The following BCL7B variants were observed in gnomAD, a reference collection of about 807,000 sequenced individuals.
BCL7B encodes BAF chromatin remodeling complex subunit BCL7B, also known as B-cell CLL/lymphoma 7 protein family member B.
A neutral mutation model predicts 26.5 loss-of-function variants in BCL7B; 11 were observed. That is an observed-to-expected ratio of 0.42 (90% confidence interval 0.26 to 0.69). The LOEUF (loss-of-function observed/expected upper bound fraction) is 0.69. BCL7B is among the 30% of genes least tolerant of loss of function. The probability of loss-of-function intolerance (pLI) is 0.28; values close to 1 mark genes in which losing one functional copy is unlikely to be tolerated. For missense variants in BCL7B, 215 were observed against 264.4 expected, an observed-to-expected ratio of 0.81 and a Z score of 1.30; for synonymous variants, 111 against 107.9, an observed-to-expected ratio of 1.03 and a Z score of -0.18.
intron 3 of BCL7B, chr7:73,542,780 C>T: frequency 3.0e-6 from 1 of 328,738 alleles, no homozygotes; most frequent in Non-Finnish European, 6.2e-6. Context: ...CTCTAAGCGA[C>T]TATGATAAAA....
chr7:73,543,425 G>A (rs1285351025), intron 3 of BCL7B, 123 bp downstream of exon 3: 17 of 839,346 alleles, frequency 2.0e-5, no homozygotes, highest in Admixed American at 7.8e-5. Context: ...TGATCTGCCC[G>A]CCTCAGACTC....
intron 1 of BCL7B, chr7:73,557,189 C>G: frequency 9.7e-7 from 1 of 1,032,360 alleles, no homozygotes; most frequent in Non-Finnish European, 1.2e-6. Context: ...CTGGGCCGGG[C>G]GCGGGCACCG....
chr7:73,557,287 G>C lies in BCL7B; in HGVS notation c.92+200C>G. 4 of 1,145,168 alleles carry C rather than the reference G, an allele frequency of 3.5e-6. No homozygotes were observed. In the South Asian group the frequency reaches 1.8e-4, roughly 50 times the overall value. 70.9% of individuals were successfully genotyped at this position (1,145,168 alleles called of 1,614,324 possible). Reference sequence around the variant, plus strand: ...AGCCGCAGCAGGTGGGCGGGCCCGCGAGCCGGGAGGACCGCTGATTGGCCG... The same window carrying C: ...AGCCGCAGCAGGTGGGCGGGCCCGCCAGCCGGGAGGACCGCTGATTGGCCG... On this transcript the variant is annotated intron_variant, in intron 1 of 5. Transcript: ENST00000223368.
intron 4 of BCL7B, among the ~76,000 whole-genome samples, chr7:73,539,219 CA>C (rs1269456386): frequency 6.6e-6 from 1 of 152,036 alleles, no homozygotes; most frequent in Non-Finnish European, 1.5e-5. Context: ...TTCGGCCTCC[CA>C]AAGTGCTGGG....
intron 1 of BCL7B, 37 bp downstream of exon 1, chr7:73,557,450 G>T: frequency 7.8e-7 from 1 of 1,274,878 alleles, no homozygotes; most frequent in Non-Finnish European, 1.0e-6. Context: ...GCCTGGATCC[G>T]CGACCCCCGC....
intron 2 of BCL7B, among the ~76,000 whole-genome samples, chr7:73,550,763 T>C (rs1554584029): frequency 6.6e-6 from 1 of 151,592 alleles, no homozygotes; most frequent in Non-Finnish European, 1.5e-5. Flanking sequence ...GTTCACACCA[T>C]TCTCCTGCCT....
chr7:73,540,095 T>C, intron 3 of BCL7B, 43 bp from the exon 4 acceptor site: 4 of 1,587,996 alleles, frequency 2.5e-6, no homozygotes, highest in Non-Finnish European at 2.6e-6. Flanking sequence ...AGCGTGGTCA[T>C]TTTCCTCAAG....
intron 2 of BCL7B, 94 bp downstream of exon 2, chr7:73,552,073 A>G: frequency 9.8e-7 from 1 of 1,016,392 alleles, no homozygotes; most frequent in Non-Finnish European, 1.5e-6. Flanking sequence ...AGCCTGGGTG[A>G]CACAGCGAGA....
chr7:73,543,853 G>C (rs1791861440), intron 2 of BCL7B: 1 of 507,230 alleles, frequency 2.0e-6, no homozygotes, highest in African/African-American at 1.9e-5. Flanking sequence ...CCTTCCAGCA[G>C]GAATACTGTG....
intron 2 of BCL7B, among the ~76,000 whole-genome samples, chr7:73,545,787 A>G (rs1791930735): frequency 6.6e-6 from 1 of 152,156 alleles, no homozygotes; most frequent in East Asian, 1.9e-4. Context: ...AGAGAGCAAA[A>G]GGGAGAGGCT....
intron 4 of BCL7B, among the ~76,000 whole-genome samples, chr7:73,539,250 G>A (rs1389683985): frequency 1.9e-4 from 26 of 139,538 alleles, no homozygotes; most frequent in African/African-American, 5.4e-4. Flanking sequence ...GTGAGCCACC[G>A]CGCCAGGTCT....
chr7:73,552,570 G>A (rs1048017919), intron 1 of BCL7B, among the ~76,000 whole-genome samples: 2 of 152,000 alleles, frequency 1.3e-5, no homozygotes, highest in African/African-American at 4.8e-5. Context: ...CTTGAGGTCA[G>A]GAGTTCGAGA....
chr7:73,542,437 C>G (rs1791802965), intron 3 of BCL7B, among the ~76,000 whole-genome samples: 1 of 152,190 alleles, frequency 6.6e-6, no homozygotes, highest in Non-Finnish European at 1.5e-5. Flanking sequence ...CTAGTCTTGA[C>G]TCCTATAAAG....
chr7:73,540,921 C>T (rs1254863307), intron 3 of BCL7B, among the ~76,000 whole-genome samples: 1 of 140,774 alleles, frequency 7.1e-6, no homozygotes, highest in African/African-American at 2.7e-5. Flanking sequence ...CCAAGGTGGG[C>T]GGATCACTTG....
intron 2 of BCL7B, among the ~76,000 whole-genome samples, chr7:73,546,128 T>C (rs1339431634): frequency 1.6e-5 from 2 of 124,258 alleles, no homozygotes; most frequent in African/African-American, 3.1e-5. Flanking sequence ...CGAGACTCCA[T>C]CTCAAAAAAA....
intron 3 of BCL7B, among the ~76,000 whole-genome samples, chr7:73,542,013 G>A (rs148165705): frequency 8.6e-4 from 131 of 152,242 alleles, no homozygotes; most frequent in Non-Finnish European, 1.5e-3. Flanking sequence ...CTTCTTCCGC[G>A]GAGCCCTACC....
intron 4 of BCL7B, among the ~76,000 whole-genome samples, chr7:73,539,348 T>C (rs1791664919): frequency 6.6e-6 from 1 of 151,862 alleles, no homozygotes; most frequent in Admixed American, 6.6e-5. Context: ...GCTTCTTGGG[T>C]TCAAGTGATT....
At chr7:73,541,075 A>T (rs1446866024) in intron 3 of BCL7B, among the ~76,000 whole-genome samples, 2 of 152,064 alleles carry the variant, frequency 1.3e-5, no homozygotes, top group African/African-American at 4.8e-5. Context: ...TGAACCCGGG[A>T]GGTGGAGGTT....
intron 3 of BCL7B, chr7:73,542,982 A>G (rs1554583066): frequency 5.8e-6 from 2 of 347,248 alleles, no homozygotes; most frequent in Non-Finnish European, 5.9e-6. Context: ...AGGACCTGAC[A>G]TGGAGTCTGT....
Sources: gnomAD v4.1 joint callset for allele counts (sites outside exome capture counted in the v4.1 genomes callset) on GRCh38, gnomAD v4.1.1 for gene constraint, MANE v1.5 for transcripts, NCBI Gene and HGNC (gene_info 2026-07-23, HGNC 2026-07-21) for gene names.